The following SLC38A12 variants were observed in gnomAD, a reference collection of about 807,000 sequenced individuals.
SLC38A12 encodes the protein solute carrier family 38 member 12, also known as putative sodium-coupled neutral amino acid transporter 12.
chr17:74,806,231 C>T, the SLC38A12 span, among the ~76,000 whole-genome samples: 1 of 152,120 alleles, frequency 6.6e-6, no homozygotes, highest in South Asian at 2.1e-4. Flanking sequence ...TCAAGTTGAC[C>T]CCTAGCCTGG....
At chr17:74,801,675 G>A in the SLC38A12 span, among the ~76,000 whole-genome samples, 1 of 152,316 alleles carries the variant, frequency 6.6e-6, no homozygotes, top group East Asian at 1.9e-4. Flanking sequence ...TCTAACCTGG[G>A]TGAACTCTAA....
chr17:74,830,951 G>A, the SLC38A12 span, among the ~76,000 whole-genome samples: 6 of 152,226 alleles, frequency 3.9e-5, no homozygotes, highest in Non-Finnish European at 8.8e-5. Flanking sequence ...AGGCGACCTC[G>A]CGGGGCCTCA....
chr17:74,796,958 G>C, the SLC38A12 span, among the ~76,000 whole-genome samples: 11 of 152,270 alleles, frequency 7.2e-5, no homozygotes, highest in South Asian at 2.3e-3. Flanking sequence ...TCTCTAGCAG[G>C]GTAGATGGGC....
the SLC38A12 span, chr17:74,785,527 C>G: frequency 6.2e-7 from 1 of 1,614,178 alleles, no homozygotes; most frequent in Admixed American, 1.7e-5. Context: ...CACGGGCGCA[C>G]TCACCATGCC....
At chr17:74,836,826 C>G in the SLC38A12 span, 1 of 1,412,976 alleles carries the variant, frequency 7.1e-7, no homozygotes, top group East Asian at 2.6e-5. The surrounding 1 kb of genome is among the most constrained non-coding windows in gnomAD (Gnocchi z 4.2). Flanking sequence ...CCCTGTCCAG[C>G]TGGGGTTGTT....
At chr17:74,812,711 G>A in the SLC38A12 span, among the ~76,000 whole-genome samples, 7 of 152,160 alleles carry the variant, frequency 4.6e-5, no homozygotes, top group African/African-American at 1.7e-4. Flanking sequence ...GTGCTCCGTG[G>A]TCAGCTCCCA....
the SLC38A12 span, among the ~76,000 whole-genome samples, chr17:74,823,487 G>A: frequency 5.3e-5 from 8 of 152,262 alleles, no homozygotes; most frequent in East Asian, 1.5e-3. Flanking sequence ...CACTGAAAGG[G>A]TTAAATGGCC....
At chr17:74,816,840 T>C in the SLC38A12 span, among the ~76,000 whole-genome samples, 3,728 of 152,282 alleles carry the variant, frequency 0.024, 416 homozygotes, top group East Asian at 0.36. Context: ...TAATTTATAA[T>C]GTCATATGGG....
At chr17:74,836,403 A>G in the SLC38A12 span, 9 of 1,611,240 alleles carry the variant, frequency 5.6e-6, no homozygotes, top group African/African-American at 8.0e-5. This position sits in a 1 kb window ranked among gnomAD's most constrained non-coding sequence, Gnocchi z 4.2. Context: ...GTTTCCCACC[A>G]TCACCCTGGT....
the SLC38A12 span, among the ~76,000 whole-genome samples, chr17:74,780,293 T>A: frequency 6.6e-6 from 1 of 152,150 alleles, no homozygotes; most frequent in Non-Finnish European, 1.5e-5. Context: ...ATGCAGGTCA[T>A]GAGTGAGGCT....
chr17:74,837,294 C>T, the SLC38A12 span: 1 of 985,558 alleles, frequency 1.0e-6, no homozygotes, highest in East Asian at 1.1e-4. Flanking sequence ...TAACTGGTAC[C>T]AGAGTCCCCA....
the SLC38A12 span, chr17:74,837,638 G>A: frequency 1.0e-6 from 1 of 985,442 alleles, no homozygotes; most frequent in African/African-American, 1.7e-5. Flanking sequence ...CTTAGGGGCT[G>A]AGCGTGGGTG....
the SLC38A12 span, among the ~76,000 whole-genome samples, chr17:74,793,133 G>A: frequency 1.8e-4 from 27 of 152,304 alleles, no homozygotes; most frequent in Middle Eastern, 3.4e-3. Flanking sequence ...TAAAGACATT[G>A]TCTGAGACCA....
chr17:74,792,022 T>C, the SLC38A12 span, among the ~76,000 whole-genome samples: 3 of 151,812 alleles, frequency 2.0e-5, no homozygotes. Context: ...GGCAGGCGCC[T>C]GTAGTCCCAG....
the SLC38A12 span, among the ~76,000 whole-genome samples, chr17:74,812,383 G>C: frequency 6.6e-6 from 1 of 152,140 alleles, no homozygotes; most frequent in African/African-American, 2.4e-5. Flanking sequence ...AATTCAAGTT[G>C]AGAAAATAAA....
the SLC38A12 span, among the ~76,000 whole-genome samples, chr17:74,784,483 C>G: frequency 6.6e-6 from 1 of 151,946 alleles, no homozygotes; most frequent in African/African-American, 2.4e-5. Context: ...GGCAGCTGGA[C>G]TTGAGGTCTG....
the SLC38A12 span, among the ~76,000 whole-genome samples, chr17:74,801,637 G>A: frequency 3.9e-5 from 6 of 152,168 alleles, no homozygotes; most frequent in African/African-American, 7.2e-5. Flanking sequence ...GTGCGTGCCC[G>A]TACCCGCCAC....
At chr17:74,800,085 A>G in the SLC38A12 span, among the ~76,000 whole-genome samples, 1 of 152,218 alleles carries the variant, frequency 6.6e-6, no homozygotes, top group Non-Finnish European at 1.5e-5. Flanking sequence ...CAGACAGACA[A>G]CAGCTCAGCT....
chr17:74,777,015 C>G, the SLC38A12 span, among the ~76,000 whole-genome samples: 1 of 152,288 alleles, frequency 6.6e-6, no homozygotes, highest in Middle Eastern at 3.4e-3. Flanking sequence ...ACTTGCACCC[C>G]GAGCAGCATT....
Sources: gnomAD v4.1 joint callset for allele counts (sites outside exome capture counted in the v4.1 genomes callset) on GRCh38, gnomAD v4.1.1 for gene constraint, Gnocchi (gnomAD v3.1) non-coding constraint, MANE v1.5 for transcripts, NCBI Gene and HGNC (gene_info 2026-07-23, HGNC 2026-07-21) for gene names.